The following NDUFAF2 variants were observed in gnomAD, a reference collection of about 807,000 sequenced individuals.
The protein encoded by NDUFAF2 is NADH dehydrogenase [ubiquinone] 1 alpha subcomplex assembly factor 2.
NDUFAF2 carries 13 observed loss-of-function variants against 22.8 expected under a neutral mutation model. That is an observed-to-expected ratio of 0.57 (90% CI 0.37 to 0.91). NDUFAF2 has a LOEUF of 0.91. Ranked by LOEUF, NDUFAF2 falls within the 40% of genes least tolerant of loss-of-function variation. The pLI, the probability that NDUFAF2 is intolerant of heterozygous loss-of-function variation, is 0.01. For missense variants in NDUFAF2, 162 were observed against 195.2 expected (o/e 0.83, Z 1.01); for synonymous variants, 53 against 64.2 (o/e 0.83, Z 0.84).
At chr5:61,056,919 AATATATATATATATATATATATATAT>A (rs1174310851) in intron 1 of NDUFAF2, among the ~76,000 whole-genome samples, 3 of 28,808 alleles carry the variant, frequency 1.0e-4, no homozygotes, top group African/African-American at 4.8e-4. Flanking sequence ...AAAAAAAAAA[AATATATATATATATATATATATATAT>A]ATATATATTT....
intron 1 of NDUFAF2, among the ~76,000 whole-genome samples, chr5:61,068,946 G>A (rs979182912): frequency 3.3e-5 from 5 of 152,064 alleles, no homozygotes; most frequent in African/African-American, 1.2e-4. Context: ...TTGCTAGCAA[G>A]TAAATGTCTT....
At chr5:60,975,600 A>G (rs530669927) in intron 1 of NDUFAF2, among the ~76,000 whole-genome samples, 8 of 152,198 alleles carry the variant, frequency 5.3e-5, no homozygotes, top group Non-Finnish European at 1.2e-4. Context: ...TACAGTCAGT[A>G]TAGACAACAG....
At chr5:61,141,554 A>G (rs1563908) in intron 3 of NDUFAF2, among the ~76,000 whole-genome samples, 41,344 of 151,948 alleles carry the variant, frequency 0.27, 7,138 homozygotes, top group Admixed American at 0.4. Context: ...TCCCTATGGT[A>G]CCTCCTTTGA....
At chr5:61,074,075 G>A (rs1752335609) in intron 2 of NDUFAF2, among the ~76,000 whole-genome samples, 1 of 152,294 alleles carries the variant, frequency 6.6e-6, no homozygotes, top group Admixed American at 6.5e-5. Context: ...ACCATGTTAT[G>A]TATTTCTGTT....
chr5:61,001,394 A>G (rs1751293271), intron 1 of NDUFAF2, among the ~76,000 whole-genome samples: 1 of 152,160 alleles, frequency 6.6e-6, no homozygotes, highest in African/African-American at 2.4e-5. Flanking sequence ...TGAAGGGAAA[A>G]CCATTGTGAA....
chr5:61,093,151 G>A (rs1471252246), intron 2 of NDUFAF2, among the ~76,000 whole-genome samples: 6 of 152,148 alleles, frequency 3.9e-5, no homozygotes, highest in Admixed American at 6.5e-5. Context: ...TGCTCATTCC[G>A]CTTTCTTCTG....
At chr5:61,040,258 A>ACG (rs1751854827) in intron 1 of NDUFAF2, among the ~76,000 whole-genome samples, 5 of 96,300 alleles carry the variant, frequency 5.2e-5, no homozygotes, top group African/African-American at 2.3e-4. Flanking sequence ...AAGGACACAC[A>ACG]CACACACACA....
intron 1 of NDUFAF2, among the ~76,000 whole-genome samples, chr5:61,025,563 C>G (rs183281748): frequency 1.3e-5 from 2 of 151,972 alleles, no homozygotes; most frequent in Admixed American, 1.3e-4. Context: ...GAAAATGATT[C>G]TTTGGTGAAA....
chr5:60,989,207 C>T (rs1002859746), intron 1 of NDUFAF2, among the ~76,000 whole-genome samples: 1 of 151,976 alleles, frequency 6.6e-6, no homozygotes, highest in Admixed American at 6.6e-5. Context: ...AGAACCACAG[C>T]GTGATATCTT....
intron 3 of NDUFAF2, among the ~76,000 whole-genome samples, chr5:61,103,303 G>A (rs1752725278): frequency 6.6e-6 from 1 of 152,008 alleles, no homozygotes; most frequent in Admixed American, 6.6e-5. Context: ...CAAGTTTAAT[G>A]TCTTCTCCTT....
chr5:61,050,043 T>A (rs1014219347), intron 1 of NDUFAF2, among the ~76,000 whole-genome samples: 4 of 152,058 alleles, frequency 2.6e-5, no homozygotes, highest in Non-Finnish European at 4.4e-5. Flanking sequence ...GACATACAAA[T>A]ATCTTTTCGA....
At chr5:60,994,882 A>AT (rs1307132590) in intron 1 of NDUFAF2, among the ~76,000 whole-genome samples, 2 of 151,072 alleles carry the variant, frequency 1.3e-5, no homozygotes, top group African/African-American at 4.9e-5. Context: ...ATTGTTTTTT[A>AT]TTTTTTTTCT....
chr5:60,988,043 G>A (rs578235331), intron 1 of NDUFAF2, among the ~76,000 whole-genome samples: 3 of 151,560 alleles, frequency 2.0e-5, no homozygotes, highest in Non-Finnish European at 4.4e-5. Context: ...TGGCCAAAAA[G>A]CAGCTTAAGC....
chr5:61,147,435 TTC>T (rs1741156379), intron 3 of NDUFAF2, among the ~76,000 whole-genome samples: 2 of 126,088 alleles, frequency 1.6e-5, no homozygotes, highest in African/African-American at 2.7e-5. Flanking sequence ...TTTTTTTTCT[TTC>T]TTTTTTTTTT....
intron 2 of NDUFAF2, among the ~76,000 whole-genome samples, chr5:61,098,440 A>G (rs1451350202): frequency 6.6e-6 from 1 of 152,222 alleles, no homozygotes; most frequent in Non-Finnish European, 1.5e-5. Flanking sequence ...CCCAGCAGCC[A>G]CTTAACAAAT....
intron 1 of NDUFAF2, among the ~76,000 whole-genome samples, chr5:60,967,827 G>T (rs754802038): frequency 1.3e-5 from 2 of 149,852 alleles, no homozygotes; most frequent in African/African-American, 2.5e-5. Flanking sequence ...TCCCTTTCTG[G>T]CCTTGGTATC....
chr5:60,999,910 T>G (rs1454988008), intron 1 of NDUFAF2, among the ~76,000 whole-genome samples: 1 of 152,102 alleles, frequency 6.6e-6, no homozygotes, highest in African/African-American at 2.4e-5. Context: ...TGGTTTTTGT[T>G]GTTTGTGTTT....
chr5:61,113,440 T>C (rs952794789), intron 3 of NDUFAF2, among the ~76,000 whole-genome samples: 1 of 152,154 alleles, frequency 6.6e-6, no homozygotes, highest in Admixed American at 6.6e-5. Flanking sequence ...TAGGATGATA[T>C]GGTTTGGCTG....
intron 1 of NDUFAF2, among the ~76,000 whole-genome samples, chr5:60,960,955 A>G: frequency 6.6e-6 from 1 of 152,110 alleles, no homozygotes; most frequent in South Asian, 2.1e-4. Context: ...AGCATACATT[A>G]CCTTCAAAGA....
Sources: gnomAD v4.1 joint callset for allele counts (sites outside exome capture counted in the v4.1 genomes callset) on GRCh38, gnomAD v4.1.1 for gene constraint, MANE v1.5 for transcripts, NCBI Gene and HGNC (gene_info 2026-07-23, HGNC 2026-07-21) for gene names.